The following DEF8 variants were observed in gnomAD, a reference collection of about 807,000 sequenced individuals.
DEF8 encodes the protein differentially expressed in FDCP 8 homolog.
Under a neutral mutation model 59.1 loss-of-function variants are expected in DEF8, and 38 were observed. The observed-to-expected ratio is 0.64, with a 90% CI of 0.50 to 0.84. DEF8 has a LOEUF of 0.84. Ranked by LOEUF, DEF8 falls within the 40% of genes least tolerant of loss-of-function variation. DEF8 has a pLI of 0.00. For missense variants in DEF8, 557 were observed against 615.2 expected (o/e 0.91, Z 1.00); for synonymous variants, 265 against 250.1 (o/e 1.06, Z -0.56).
chr16:89,958,385 C>G (rs1423871882), intron 5 of DEF8: 2 of 154,480 alleles, frequency 1.3e-5, no homozygotes, highest in Non-Finnish European at 2.9e-5. Context: ...TTGAAGGTGA[C>G]AACAAAAGAA....
intron 2 of DEF8, among the ~76,000 whole-genome samples, chr16:89,951,682 T>C (rs112557149): frequency 0.11 from 16,310 of 152,270 alleles, 1,257 homozygotes; most frequent in Non-Finnish European, 0.16. Context: ...TGCAATCACG[T>C]CACTCTCCCC....
chr16:89,959,173 CGAG>C lies in DEF8; in HGVS notation c.514+22_514+24del. ...CTGCACAGGTGGGCCGAGACCCAGA[CGAG>C]GAGTGAGGAATGAGAGAGACCAAAG... On this transcript the variant is annotated intron_variant, in intron 6 of 12. Coordinates refer to ENST00000563594, the MANE Select transcript of DEF8 (RefSeq NM_001242818.2). 6.2e-7 allele frequency: 1 copy of C among 1,613,856 alleles called. No homozygotes were observed. The highest frequency in any genetic ancestry group is 1.1e-5 in the South Asian group (1 of 91,086).
In DEF8 at chr16:89,954,555, C is replaced by G. The variant is rs1214293987; in HGVS notation, c.124+179C>G. Among the ~76,000 whole-genome samples, 1 of 152,232 alleles carries G rather than the reference C, an allele frequency of 6.6e-6. No homozygotes were observed. The highest frequency in any genetic ancestry group is 2.4e-5 in the African/African-American group (1 of 41,450). ...CGTGTGGTTTGTTTCTGTGTCCCCACTAGAATTCACATTCCTGAGGGCAAG... is the reference window on the plus strand; with the variant it reads ...CGTGTGGTTTGTTTCTGTGTCCCCAGTAGAATTCACATTCCTGAGGGCAAG... On this transcript the variant is annotated intron_variant, in intron 3 of 12. Transcript: ENST00000563594. The surrounding 1 kb of genome is among the most constrained non-coding windows in gnomAD (Gnocchi z 4.3).
chr16:89,955,376 C>T (rs924092734), intron 4 of DEF8, 110 bp downstream of exon 4: 4 of 881,122 alleles, frequency 4.5e-6, no homozygotes, highest in Non-Finnish European at 7.3e-6. Context: ...GTCCTGTGAG[C>T]TGGGGTACAG....
At position 89,965,831 on chromosome 16, in the gene DEF8, CAG is replaced by C. The variant is rs749661303; in HGVS notation, c.1254-25_1254-24del. ...GGATTCAGTGCTGGAGTTTCCTGTG[CAG>C]AGAGCCCCGACCTCTTTCTGCCCCC... On this transcript the variant is annotated intron_variant, in intron 12 of 12. Transcript: ENST00000563594. 3.1e-4 allele frequency: 474 copies of C among 1,508,864 alleles called. 1 individual carries two copies. The highest frequency in any genetic ancestry group is 1.5e-3 in the South Asian group (133 of 87,130). The allele number at this position is 1,508,864 out of a possible 1,614,324, so 93.5% of individuals were successfully genotyped here.
intron 9 of DEF8, among the ~76,000 whole-genome samples, chr16:89,962,395 A>G (rs2034141460): frequency 6.6e-6 from 1 of 152,260 alleles, no homozygotes; most frequent in South Asian, 2.1e-4. Context: ...CACGGTGCTC[A>G]CACCTGTAAT....
chr16:89,962,697 G>C (rs12596583), intron 9 of DEF8, among the ~76,000 whole-genome samples: 7,523 of 152,338 alleles, frequency 0.049, 338 homozygotes, highest in East Asian at 0.24. Context: ...AATGTTAATA[G>C]TATATTTTAT....
rs2034640631 is a variant in DEF8 at position 89,967,046 on chromosome 16, A to G, written c.*1083A>G. On this transcript the variant is annotated 3_prime_UTR_variant, in exon 13 of 13. Coordinates refer to ENST00000563594, the MANE Select transcript of DEF8 (RefSeq NM_001242818.2). ...GGCCCCTGGGCAGCAGAGGAAACCT[A>G]CAGCTCTGGGTGAGGGGACACTTGG... The G allele has an allele frequency of 1.6e-5, 6 of 370,076 alleles. No individual in the cohort carries two copies. The highest frequency in any genetic ancestry group is 4.6e-5 in the Admixed American group (1 of 21,704). 22.9% of individuals were successfully genotyped at this position (370,076 alleles called of 1,614,324 possible). A position where few individuals can be genotyped will look rare whatever the true frequency, so the allele number is the denominator to read the frequency against.
chr16:89,963,667 G>C (rs933009495), intron 10 of DEF8: 1 of 568,248 alleles, frequency 1.8e-6, no homozygotes, highest in Non-Finnish European at 3.1e-6. Context: ...AATCTCCATG[G>C]GGTGGGTCCA....
At chr16:89,955,808 C>T (rs969571157) in intron 4 of DEF8, among the ~76,000 whole-genome samples, 8 of 152,232 alleles carry the variant, frequency 5.3e-5, no homozygotes, top group East Asian at 1.9e-4. Context: ...CGCGGTGGCT[C>T]ACGCCTGTAA....
At chr16:89,959,452 G>A (rs998765707) in intron 6 of DEF8, 5 of 859,452 alleles carry the variant, frequency 5.8e-6, no homozygotes, top group Middle Eastern at 3.8e-4. Flanking sequence ...AGGGCAGAAT[G>A]TAAAGGCATC....
intron 7 of DEF8, 59 bp from the exon 8 acceptor site, chr16:89,961,678 G>A: frequency 6.2e-7 from 1 of 1,601,960 alleles, no homozygotes; most frequent in Non-Finnish European, 8.5e-7. Context: ...CCATGAGGCT[G>A]GAAAGCTGTG....
At chr16:89,960,884 A>G in intron 6 of DEF8, 47 bp from the exon 7 acceptor site, 1 of 1,586,734 alleles carries the variant, frequency 6.3e-7, no homozygotes, top group South Asian at 1.1e-5. Flanking sequence ...CCTGGGCTGC[A>G]GGCGCACCCT....
intron 9 of DEF8, among the ~76,000 whole-genome samples, chr16:89,962,964 G>T (rs2034229550): frequency 6.6e-6 from 1 of 152,228 alleles, no homozygotes; most frequent in African/African-American, 2.4e-5. Flanking sequence ...GGACATGATG[G>T]CGTCTCACGC....
chr16:89,959,741 T>C (rs2033773974), intron 6 of DEF8, among the ~76,000 whole-genome samples: 2 of 152,136 alleles, frequency 1.3e-5, no homozygotes, highest in African/African-American at 4.8e-5. Flanking sequence ...TTGTGTTCCG[T>C]CCACCTCGGC....
rs1454768279 is a variant in DEF8 at position 89,966,094 on chromosome 16, G to A, written c.*131G>A. On this transcript the variant is annotated 3_prime_UTR_variant, in exon 13 of 13. Transcript: ENST00000563594. ...CCCTCCACCCCTGCTGGGCCAGAGC[G>A]GGTGGGCAGTGTCAAGGCCCGCTGT... 10 of 669,094 alleles carry A rather than the reference G, an allele frequency of 1.5e-5. No individual in the cohort carries two copies. Among genetic ancestry groups the A allele is most frequent in the African/African-American group, 5.5e-5 (3 of 54,922 alleles). 41.4% of individuals were successfully genotyped at this position (669,094 alleles called of 1,614,324 possible).
At chr16:89,963,153 G>T (rs1179942308) in intron 9 of DEF8, among the ~76,000 whole-genome samples, 1 of 152,226 alleles carries the variant, frequency 6.6e-6, no homozygotes, top group African/African-American at 2.4e-5. Context: ...GCAGAGGGAA[G>T]GGAGGGTTTT....
At chr16:89,962,516 G>T (rs748988976) in intron 9 of DEF8, among the ~76,000 whole-genome samples, 1 of 152,064 alleles carries the variant, frequency 6.6e-6, no homozygotes, top group Non-Finnish European at 1.5e-5. Context: ...AATTGGCCGG[G>T]CATGGTGGTG....
chr16:89,958,317 G>T (rs190783596), intron 5 of DEF8: 1 of 153,914 alleles, frequency 6.5e-6, no homozygotes, highest in South Asian at 2.0e-4. Flanking sequence ...TGAAGCAAGC[G>T]GGTGGGCTAA....
Sources: gnomAD v4.1 joint callset for allele counts (sites outside exome capture counted in the v4.1 genomes callset) on GRCh38, gnomAD v4.1.1 for gene constraint, Gnocchi (gnomAD v3.1) non-coding constraint, MANE v1.5 for transcripts, NCBI Gene and HGNC (gene_info 2026-07-23, HGNC 2026-07-21) for gene names.